DCBLD2: variants seen among roughly 807,000 people sequenced by gnomAD.
The protein encoded by DCBLD2 is discoidin, CUB and LCCL domain containing 2, also known as discoidin, CUB and LCCL domain-containing protein 2.
DCBLD2 carries 54 observed loss-of-function variants against 86.8 expected under a neutral mutation model. The ratio of observed to expected loss-of-function variants is 0.62; its 90% CI spans 0.50 to 0.78. The LOEUF (loss-of-function observed/expected upper bound fraction) is 0.78, where lower values mean the gene tolerates loss of function less well. Among genes scored for constraint, DCBLD2 ranks in the 30% least tolerant of loss-of-function variants. DCBLD2 has a pLI of 0.00. For missense variants in DCBLD2, 908 were observed against 954.2 expected, an observed-to-expected ratio of 0.95 and a Z score of 0.64; for synonymous variants, 354 against 341.3, an observed-to-expected ratio of 1.04 and a Z score of -0.41.
chr3:98,881,534 TCCTA>T lies in DCBLD2; in HGVS notation c.433+2_433+5del. On this transcript the variant is annotated splice_donor_variant and splice_donor_5th_base_variant and intron_variant, in intron 2 of 15. Coordinates refer to ENST00000326840, the MANE Select transcript of DCBLD2 (RefSeq NM_080927.4). LOFTEE classifies it high-confidence loss of function. ...TTACATGTACATTTACAAAAAAAAG[TCCTA>T]CCTATTTCAGTTCTGCTGACTCCAA... 2 of 1,611,434 alleles carry T rather than the reference TCCTA, an allele frequency of 1.2e-6. No homozygotes were observed. The highest frequency in any genetic ancestry group is 1.7e-6 in the Non-Finnish European group (2 of 1,178,224).
intron 13 of DCBLD2, among the ~76,000 whole-genome samples, chr3:98,804,734 G>A (rs1335208729): frequency 5.3e-5 from 8 of 152,122 alleles, no homozygotes; most frequent in Non-Finnish European, 1.0e-4. Flanking sequence ...AGAGATTCTG[G>A]TATGTTGTGT....
At chr3:98,870,239 C>G (rs776121549) in intron 2 of DCBLD2, among the ~76,000 whole-genome samples, 22 of 152,104 alleles carry the variant, frequency 1.4e-4, no homozygotes, top group Non-Finnish European at 2.6e-4. Context: ...TGTCAAAGAT[C>G]AGTTGGTTGT....
chr3:98,815,961 G>GAAAAA, intron 9 of DCBLD2: 1 of 117,070 alleles, frequency 8.5e-6, no homozygotes, highest in Non-Finnish European at 1.9e-5. Context: ...GGAAATATTT[G>GAAAAA]AAAAAAAAAG....
At chr3:98,835,500 T>A (rs1162356737) in intron 3 of DCBLD2, among the ~76,000 whole-genome samples, 1 of 146,656 alleles carries the variant, frequency 6.8e-6, no homozygotes, top group Non-Finnish European at 1.5e-5. Context: ...GCACCAAATA[T>A]GTGCCAGGTT....
chr3:98,870,738 A>AG (rs1943253357), intron 2 of DCBLD2, among the ~76,000 whole-genome samples: 222 of 13,314 alleles, frequency 0.017, 1 homozygote, highest in African/African-American at 0.056. Flanking sequence ...AAAGAAAGAA[A>AG]AAGAAAGAAA....
chr3:98,880,465 T>G (rs1303176579), intron 2 of DCBLD2, among the ~76,000 whole-genome samples: 2 of 152,172 alleles, frequency 1.3e-5, no homozygotes, highest in Admixed American at 1.3e-4. Context: ...GATGCCTAAA[T>G]CAAAGGTTTT....
chr3:98,890,732 C>T (rs1254540720), intron 1 of DCBLD2, among the ~76,000 whole-genome samples: 1 of 151,978 alleles, frequency 6.6e-6, no homozygotes, highest in Admixed American at 6.6e-5. Flanking sequence ...ATTCCTTTAA[C>T]CCTCCAACTG....
At chr3:98,873,272 A>C (rs537897156) in intron 2 of DCBLD2, among the ~76,000 whole-genome samples, 43 of 152,278 alleles carry the variant, frequency 2.8e-4, no homozygotes, top group Admixed American at 2.6e-4. Context: ...CAAATAGGAG[A>C]TCAAACAGAT....
At chr3:98,801,568 TAGA>T in intron 14 of DCBLD2, 29 bp downstream of exon 14, 1 of 1,587,720 alleles carries the variant, frequency 6.3e-7, no homozygotes, top group Non-Finnish European at 8.6e-7. Context: ...ATCCCTCTGA[TAGA>T]AATGAGATGC....
At chr3:98,816,027 A>T (rs1016885143) in intron 9 of DCBLD2, 1 of 151,468 alleles carries the variant, frequency 6.6e-6, no homozygotes, top group African/African-American at 2.4e-5. Context: ...AAAAACCTCA[A>T]AGAACCCCAC....
At position 98,861,333 on chromosome 3, in the gene DCBLD2, C is replaced by T. The variant is rs534384398; in HGVS notation, c.434-11735G>A. Reference sequence around the variant, plus strand: ...ACAGATCAATGAGAAAGAAAGTTAACAGGGATATCCAGGAATTGAACTTAG... The same window carrying T: ...ACAGATCAATGAGAAAGAAAGTTAATAGGGATATCCAGGAATTGAACTTAG... On this transcript the variant is annotated intron_variant, in intron 2 of 15. Coordinates refer to ENST00000326840, the MANE Select transcript of DCBLD2 (RefSeq NM_080927.4). Among the ~76,000 whole-genome samples, 18 of 152,250 alleles carry T rather than the reference C, an allele frequency of 1.2e-4. 1 individual carries two copies. The highest frequency in any genetic ancestry group is 4.3e-4 in the African/African-American group (18 of 41,544).
chr3:98,845,351 C>T (rs879739317), intron 3 of DCBLD2, among the ~76,000 whole-genome samples: 5 of 152,152 alleles, frequency 3.3e-5, no homozygotes, highest in Non-Finnish European at 5.9e-5. Context: ...AGAGGGCTTC[C>T]TAATGCTCAA....
At chr3:98,805,316 T>G (rs1319693858) in intron 13 of DCBLD2, among the ~76,000 whole-genome samples, 1 of 152,168 alleles carries the variant, frequency 6.6e-6, no homozygotes, top group Non-Finnish European at 1.5e-5. Flanking sequence ...AAATACTGAT[T>G]AAACACCTTT....
At position 98,881,555 on chromosome 3, in the gene DCBLD2, T is replaced by C; in HGVS notation, c.418A>G (p.Ser140Gly). 2 of 1,613,794 alleles carry C rather than the reference T, an allele frequency of 1.2e-6. No homozygotes were observed. The highest frequency in any genetic ancestry group is 1.7e-6 in the Non-Finnish European group (2 of 1,179,848). The change falls in exon 2 of 16, where the codon AGC becomes GGC. Residue 140 changes from serine (S) to glycine (G), a missense_variant. Coordinates refer to ENST00000326840, the MANE Select transcript of DCBLD2 (RefSeq NM_080927.4). ...AAAGTCCTACCTATTTCAGTTCTGC[T>C]GACTCCAATTCCATTATAAATTCTC... Reference protein sequence around the residue: ...YLRIYNGIGVSRTEIGKYCGL... With the variant: ...YLRIYNGIGVGRTEIGKYCGL...
chr3:98,826,978 T>A (rs1942235607), intron 3 of DCBLD2, among the ~76,000 whole-genome samples: 1 of 152,228 alleles, frequency 6.6e-6, no homozygotes, highest in African/African-American at 2.4e-5. Context: ...TCGATCATTT[T>A]ATTCCATAAT....
chr3:98,899,896 T>C (rs1943818204), intron 1 of DCBLD2, among the ~76,000 whole-genome samples: 1 of 152,102 alleles, frequency 6.6e-6, no homozygotes, highest in Non-Finnish European at 1.5e-5. Flanking sequence ...TTTTCCCCCC[T>C]ACCAGGAGGG....
chr3:98,893,254 A>T lies in DCBLD2; in HGVS notation c.205+7868T>A, dbSNP rs145986423. Reference sequence around the variant, plus strand: ...TCCCAGCCCTCGTTACAGTCTAAAAAGAAAGATGAGTTACATATTTTAAAA... The same window carrying T: ...TCCCAGCCCTCGTTACAGTCTAAAATGAAAGATGAGTTACATATTTTAAAA... On this transcript the variant is annotated intron_variant, in intron 1 of 15. Coordinates refer to ENST00000326840, the MANE Select transcript of DCBLD2 (RefSeq NM_080927.4). Among the ~76,000 whole-genome samples, 379 of 152,274 alleles carry T rather than the reference A, an allele frequency of 2.5e-3. 7 individuals carry two copies. Among genetic ancestry groups the T allele is most frequent in the African/African-American group, 8.9e-3 (370 of 41,566 alleles).
rs776519085 is a variant in DCBLD2 at position 98,817,867 on chromosome 3, C to G, written c.1114G>C (p.Val372Leu). The G allele has an allele frequency of 6.2e-7, 1 of 1,613,460 alleles. No homozygotes were observed. The highest frequency in any genetic ancestry group is 8.5e-7 in the Non-Finnish European group (1 of 1,179,666). The change falls in exon 9 of 16, where the codon GTG (valine) becomes CTG (leucine). Residue 372 changes from valine (V) to leucine (L), a missense_variant. Coordinates refer to ENST00000326840, the MANE Select transcript of DCBLD2 (RefSeq NM_080927.4). Reference sequence around the variant, plus strand: ...GCAGACACATAGTAATTGTGCTCCACCATGGTGGATCCAGTGGTTATAATG... The same window carrying G: ...GCAGACACATAGTAATTGTGCTCCAGCATGGTGGATCCAGTGGTTATAATG... ...TGIITTGSTMVEHNYYVSAYR... is the reference protein window; with the variant it reads ...TGIITTGSTMLEHNYYVSAYR...
chr3:98,867,743 A>C (rs1214704205), intron 2 of DCBLD2, among the ~76,000 whole-genome samples: 1 of 135,342 alleles, frequency 7.4e-6, no homozygotes, highest in South Asian at 2.4e-4. Context: ...AATATGAAGT[A>C]AGGGAATCAT....
Sources: allele counts gnomAD v4.1 joint callset (sites outside exome capture counted in the v4.1 genomes callset), GRCh38; gene constraint gnomAD v4.1.1; transcripts MANE v1.5; gene names NCBI Gene and HGNC (gene_info 2026-07-23, HGNC 2026-07-21).